The following ATRNL1 variants were observed in gnomAD, a reference collection of about 807,000 sequenced individuals.
ATRNL1 encodes attractin like 1, also known as attractin-like protein 1.
A neutral mutation model predicts 182.7 loss-of-function variants in ATRNL1; 95 were observed. That is an observed-to-expected ratio of 0.52 (90% CI 0.44 to 0.62). ATRNL1 has a LOEUF of 0.62. ATRNL1 is among the 20% of genes least tolerant of loss of function. The pLI is 0.00. For synonymous variants in ATRNL1, 576 were observed against 568.3 expected (o/e 1.01, Z -0.19); for missense variants, 1,471 against 1,679.5 (o/e 0.88, Z 2.17).
intron 26 of ATRNL1, among the ~76,000 whole-genome samples, chr10:115,555,965 G>C (rs1853292188): frequency 6.6e-6 from 1 of 151,948 alleles, no homozygotes; most frequent in African/African-American, 2.4e-5. Flanking sequence ...GGAGACTAGA[G>C]TGCAATGCTC....
At chr10:115,192,714 G>A (rs781856751) in intron 8 of ATRNL1, among the ~76,000 whole-genome samples, 2 of 148,732 alleles carry the variant, frequency 1.3e-5, no homozygotes, top group East Asian at 1.9e-4. Flanking sequence ...TTCCAAATCC[G>A]TTTTTTTGTG....
intron 27 of ATRNL1, among the ~76,000 whole-genome samples, chr10:115,814,973 A>C (rs1180258004): frequency 6.6e-6 from 1 of 152,186 alleles, no homozygotes; most frequent in African/African-American, 2.4e-5. Flanking sequence ...ATGGCAAAGA[A>C]TATTACATAT....
At chr10:115,518,345 A>G (rs1850742992) in intron 24 of ATRNL1, among the ~76,000 whole-genome samples, 1 of 151,890 alleles carries the variant, frequency 6.6e-6, no homozygotes, top group Non-Finnish European at 1.5e-5. Flanking sequence ...ATGTTTTTGC[A>G]ACATTTTCAT....
intron 26 of ATRNL1, among the ~76,000 whole-genome samples, chr10:115,592,925 ATCTG>A (rs1289057650): frequency 8.5e-6 from 1 of 118,210 alleles, no homozygotes; most frequent in Non-Finnish European, 1.9e-5. Flanking sequence ...TTATCTAACT[ATCTG>A]TCTGTCTGTC....
At position 115,215,864 on chromosome 10, in the gene ATRNL1, G is replaced by GTTAA; in HGVS notation, c.1517_1520dup (p.Thr508Ter). 6.4e-7 allele frequency: 1 copy of GTTAA among 1,568,098 alleles called. No individual in the cohort carries two copies. Among genetic ancestry groups the GTTAA allele is most frequent in the Non-Finnish European group, 8.6e-7 (1 of 1,162,184 alleles). On this transcript the variant is annotated frameshift_variant, in exon 9 of 29. Coordinates refer to ENST00000355044, the MANE Select transcript of ATRNL1 (RefSeq NM_207303.4). LOFTEE classifies it high-confidence loss of function. ...GGTTGATGATCTTTATAAATATGAAGTTAACACTAAGACTTGGTGAGTACA... is the reference window on the plus strand; with the variant it reads ...GGTTGATGATCTTTATAAATATGAAGTTAATTAACACTAAGACTTGGTGAGTACA...
intron 5 of ATRNL1, among the ~76,000 whole-genome samples, chr10:115,132,825 A>T (rs181580709): frequency 0.012 from 1,894 of 152,152 alleles, 32 homozygotes; most frequent in African/African-American, 0.043. Flanking sequence ...TAGATTCTGG[A>T]TATTAGCCCT....
chr10:115,671,647 A>G (rs1555041432), intron 26 of ATRNL1, among the ~76,000 whole-genome samples: 1 of 152,096 alleles, frequency 6.6e-6, no homozygotes, highest in African/African-American at 2.4e-5. Context: ...AGCATGAGTA[A>G]TAGAATTTGT....
chr10:115,204,059 A>C (rs1848705712), intron 8 of ATRNL1, among the ~76,000 whole-genome samples: 2 of 151,848 alleles, frequency 1.3e-5, no homozygotes, highest in African/African-American at 4.8e-5. Flanking sequence ...TTAGTTTTTA[A>C]TGTTGTAAAG....
chr10:115,361,251 A>T (rs2134157169), intron 19 of ATRNL1, among the ~76,000 whole-genome samples: 1 of 152,174 alleles, frequency 6.6e-6, no homozygotes, highest in South Asian at 2.1e-4. Flanking sequence ...CACATTGATT[A>T]GTTGGCTTTC....
chr10:115,436,723 G>T (rs562011185), intron 21 of ATRNL1, among the ~76,000 whole-genome samples: 1 of 152,114 alleles, frequency 6.6e-6, no homozygotes, highest in East Asian at 1.9e-4. Flanking sequence ...TGGAGGATTC[G>T]ACTGTTAGAG....
At chr10:115,762,720 T>C (rs73379745) in intron 27 of ATRNL1, among the ~76,000 whole-genome samples, 4,547 of 152,142 alleles carry the variant, frequency 0.03, 249 homozygotes, top group African/African-American at 0.1. Context: ...AAAGTTACTA[T>C]CAATAATTTA....
At chr10:115,603,826 C>A (rs1388587279) in intron 26 of ATRNL1, among the ~76,000 whole-genome samples, 1 of 152,094 alleles carries the variant, frequency 6.6e-6, no homozygotes, top group Non-Finnish European at 1.5e-5. Flanking sequence ...TTAGTGTTTT[C>A]ATTAGTTCAG....
At chr10:115,145,302 A>G (rs1271957981) in intron 5 of ATRNL1, among the ~76,000 whole-genome samples, 1 of 152,134 alleles carries the variant, frequency 6.6e-6, no homozygotes. Flanking sequence ...TATTTTACAT[A>G]TTGAGATTCC....
intron 26 of ATRNL1, among the ~76,000 whole-genome samples, chr10:115,700,685 C>A (rs2133993864): frequency 6.6e-6 from 1 of 151,888 alleles, no homozygotes; most frequent in South Asian, 2.1e-4. Context: ...GGCTTTAAAC[C>A]AATAACAGTA....
At chr10:115,507,830 C>G (rs1850191832) in intron 24 of ATRNL1, among the ~76,000 whole-genome samples, 1 of 151,884 alleles carries the variant, frequency 6.6e-6, no homozygotes, top group South Asian at 2.1e-4. Flanking sequence ...GGCAATGATT[C>G]TAGAATAAGA....
chr10:115,787,388 G>A (rs1949422294), intron 27 of ATRNL1, among the ~76,000 whole-genome samples: 1 of 152,108 alleles, frequency 6.6e-6, no homozygotes, highest in Non-Finnish European at 1.5e-5. Flanking sequence ...ACTTGATGAA[G>A]CTAATTCCAG....
intron 1 of ATRNL1, among the ~76,000 whole-genome samples, chr10:115,094,855 A>G (rs375263193): frequency 6.6e-6 from 1 of 152,206 alleles, no homozygotes; most frequent in South Asian, 2.1e-4. Context: ...ATTGAGAAAT[A>G]CAAAGGTGAC....
intron 13 of ATRNL1, among the ~76,000 whole-genome samples, chr10:115,269,627 C>A (rs993315065): frequency 6.6e-5 from 10 of 152,224 alleles, no homozygotes; most frequent in African/African-American, 2.4e-4. Flanking sequence ...AGGCACTGCA[C>A]CCAGCCCAAA....
intron 24 of ATRNL1, among the ~76,000 whole-genome samples, chr10:115,492,643 G>GTTT (rs1849357438): frequency 3.7e-5 from 3 of 80,600 alleles, no homozygotes; most frequent in African/African-American, 6.0e-5. Context: ...TTACTAAAGT[G>GTTT]ATTTTTTTTT....
Sources: allele counts gnomAD v4.1 joint callset (sites outside exome capture counted in the v4.1 genomes callset), GRCh38; gene constraint gnomAD v4.1.1; transcripts MANE v1.5; gene names NCBI Gene and HGNC (gene_info 2026-07-23, HGNC 2026-07-21).